The following SLC26A11 variants were observed in gnomAD, a reference collection of about 807,000 sequenced individuals.
SLC26A11 encodes solute carrier family 26 member 11, also known as sodium-independent sulfate anion transporter.
SLC26A11 carries 58 observed loss-of-function variants against 62.2 expected under a neutral mutation model. That is an observed-to-expected ratio of 0.93 (90% CI 0.76 to 1.16). The LOEUF is 1.16. SLC26A11 is among the 50% of genes most tolerant of loss of function. The pLI, the probability that SLC26A11 is intolerant of heterozygous loss-of-function variation, is 0.00. For missense variants in SLC26A11, 790 were observed against 794.3 expected (o/e 0.99, Z 0.06); for synonymous variants, 411 against 368.9 (o/e 1.11, Z -1.31).
rs971349719 is a variant in SLC26A11, at chr17:80,221,093, C to G, written c.-36C>G. ...GCCCCGCTGGATCTCCTGGCTGCCA[C>G]CCGCACCCCCCGCCAGCCTACGGTG... On this transcript the variant is annotated 5_prime_UTR_variant, in exon 2 of 18. Coordinates refer to ENST00000361193, the MANE Select transcript of SLC26A11 (RefSeq NM_001166347.2). 6.5e-6 allele frequency: 1 copy of G among 154,366 alleles called. No individual in the cohort carries two copies. The highest frequency in any genetic ancestry group is 2.4e-5 in the African/African-American group (1 of 41,502). The allele number at this position is 154,366 out of a possible 1,614,324, so 9.6% of individuals were successfully genotyped here.
In SLC26A11 at chr17:80,252,487, A is replaced by T. The variant is rs74000684; in HGVS notation, c.1730-138A>T. 939 of 646,178 alleles carry T rather than the reference A, an allele frequency of 1.5e-3. 12 individuals are homozygous for T. In the African/African-American group the frequency reaches 0.016, roughly 11 times the overall value. 40.0% of individuals were successfully genotyped at this position (646,178 alleles called of 1,614,324 possible). ...GTGAGACCCTCATGGAGTTAGTGAC[A>T]CTGGCCTGGGTGGCCCACAGCTCCT... On this transcript the variant is annotated intron_variant, in intron 17 of 17. Transcript: ENST00000361193. The surrounding 1 kb of genome is among the most constrained non-coding windows in gnomAD (Gnocchi z 5.2).
chr17:80,248,853 G>C (rs1351510874), intron 15 of SLC26A11, among the ~76,000 whole-genome samples, 179 bp downstream of exon 15: 1 of 152,210 alleles, frequency 6.6e-6, no homozygotes, highest in Admixed American at 6.5e-5. Context: ...CTGCAGCAAG[G>C]GTGGTGGCCC....
chr17:80,225,234 C>T (rs1000482949), intron 5 of SLC26A11, among the ~76,000 whole-genome samples: 2 of 152,194 alleles, frequency 1.3e-5, no homozygotes, highest in Non-Finnish European at 2.9e-5. Flanking sequence ...GATAGAGTGC[C>T]TTCTCCTGCC....
At chr17:80,250,191 C>T (rs1433123293) in intron 16 of SLC26A11, among the ~76,000 whole-genome samples, 8 of 152,130 alleles carry the variant, frequency 5.3e-5, no homozygotes, top group Non-Finnish European at 7.3e-5. Flanking sequence ...GATGGCAGAA[C>T]GTGGGGGACT....
At position 80,223,212 on chromosome 17, in the gene SLC26A11, G is replaced by T; in HGVS notation, c.428-40G>T. On this transcript the variant is annotated intron_variant, in intron 4 of 17. Coordinates refer to ENST00000361193, the MANE Select transcript of SLC26A11 (RefSeq NM_001166347.2). This position sits in a 1 kb window ranked among gnomAD's most constrained non-coding sequence, Gnocchi z 4.6. ...CTCCCCTCATCCTCTGGGACTGGGT[G>T]GAGCCGGGACCAGCTCGATGTCCCC... The T allele has an allele frequency of 6.3e-7, 1 of 1,575,572 alleles. No homozygotes were observed. The highest frequency in any genetic ancestry group is 2.2e-5 in the East Asian group (1 of 44,608).
Position 80,225,923 on chromosome 17 carries a change from C to CG in SLC26A11, c.593+10dup. On this transcript the variant is annotated splice_region_variant and intron_variant, in intron 6 of 17. Coordinates refer to ENST00000361193, the MANE Select transcript of SLC26A11 (RefSeq NM_001166347.2). ...TCAGGATTGCAGAGACCAGGTACCC[C>CG]GGGCTTTGTTCCTCCCTCCTATAAG... The CG allele has an allele frequency of 1.2e-6, 2 of 1,613,450 alleles. No homozygotes were observed. The highest frequency in any genetic ancestry group is 1.7e-6 in the Non-Finnish European group (2 of 1,179,550).
At chr17:80,243,818 A>G (rs1486249794) in intron 10 of SLC26A11, among the ~76,000 whole-genome samples, 1 of 152,190 alleles carries the variant, frequency 6.6e-6, no homozygotes, top group Non-Finnish European at 1.5e-5. Flanking sequence ...CCTTGATCTC[A>G]GATAGGCCAG....
At chr17:80,230,050 C>G (rs1400182938) in intron 7 of SLC26A11, among the ~76,000 whole-genome samples, 2 of 152,024 alleles carry the variant, frequency 1.3e-5, no homozygotes, top group East Asian at 1.9e-4. Context: ...CAAAAATTAG[C>G]TGGGTGTGGT....
chr17:80,230,963 C>T (rs1189382957), intron 7 of SLC26A11, among the ~76,000 whole-genome samples: 6 of 152,010 alleles, frequency 3.9e-5, no homozygotes, highest in East Asian at 1.9e-4. Flanking sequence ...GGACTTCACC[C>T]GAGTCGTCTG....
At position 80,252,884 on chromosome 17, in the gene SLC26A11, G is replaced by T; in HGVS notation, c.*168G>T. ...CCAGGCCTGGAGGTCCACGGCAGTG[G>T]GAGTGGGGCTCACTGGCTTCCTGTG... On this transcript the variant is annotated 3_prime_UTR_variant, in exon 18 of 18. Coordinates refer to ENST00000361193, the MANE Select transcript of SLC26A11 (RefSeq NM_001166347.2). This position sits in a 1 kb window ranked among gnomAD's most constrained non-coding sequence, Gnocchi z 5.2. The T allele has an allele frequency of 1.7e-6, 1 of 586,804 alleles. No homozygotes were observed. The highest frequency in any genetic ancestry group is 2.0e-5 in the South Asian group (1 of 49,394). 36.3% of individuals were successfully genotyped at this position (586,804 alleles called of 1,614,324 possible).
Position 80,248,481 on chromosome 17 carries a change from A to T in SLC26A11, c.1423-94A>T. On this transcript the variant is annotated intron_variant, in intron 14 of 17. Coordinates refer to ENST00000361193, the MANE Select transcript of SLC26A11 (RefSeq NM_001166347.2). ...CCCCTCTCCCGGTCCCCTGCAGCAC[A>T]CTAGGTTGGGTGGGGGCTTCCCGCT... 2 of 1,368,930 alleles carry T rather than the reference A, an allele frequency of 1.5e-6. No homozygotes were observed. Among genetic ancestry groups the T allele is most frequent in the Non-Finnish European group, 2.0e-6 (2 of 1,008,310 alleles). 84.8% of individuals were successfully genotyped at this position (1,368,930 alleles called of 1,614,324 possible).
At chr17:80,221,395 A>G in intron 2 of SLC26A11, 153 bp from the exon 3 acceptor site, 1 of 589,868 alleles carries the variant, frequency 1.7e-6, no homozygotes, top group Non-Finnish European at 3.0e-6. Context: ...CCCATCTTGC[A>G]CACATTGTTG....
intron 8 of SLC26A11, chr17:80,237,313 C>A (rs1229316013): frequency 1.3e-6 from 1 of 763,502 alleles, no homozygotes. Flanking sequence ...TTCAGGGGCG[C>A]TTCTCCTGTT....
intron 1 of SLC26A11, among the ~76,000 whole-genome samples, 165 bp downstream of exon 1, chr17:80,220,661 C>A (rs1353857700): frequency 1.3e-5 from 2 of 152,112 alleles, no homozygotes; most frequent in Non-Finnish European, 1.5e-5. Context: ...CCCGGGTCCC[C>A]GCGGCCCTCG....
intron 10 of SLC26A11, among the ~76,000 whole-genome samples, chr17:80,243,980 T>C (rs960955525): frequency 2.0e-5 from 3 of 152,194 alleles, no homozygotes; most frequent in Non-Finnish European, 4.4e-5. Context: ...CAGCCTGTGG[T>C]CACCTTGGGC....
intron 9 of SLC26A11, among the ~76,000 whole-genome samples, chr17:80,240,514 T>G (rs572738576): frequency 2.6e-5 from 4 of 151,372 alleles, no homozygotes; most frequent in African/African-American, 9.7e-5. Context: ...TTTAAAATGT[T>G]TTTCTCGGCC....
At chr17:80,237,709 C>A in intron 9 of SLC26A11, 115 bp downstream of exon 9, 2 of 910,754 alleles carry the variant, frequency 2.2e-6, no homozygotes, top group Non-Finnish European at 3.4e-6. Flanking sequence ...AATTCATATC[C>A]AAGTAATACA....
intron 9 of SLC26A11, among the ~76,000 whole-genome samples, chr17:80,240,284 G>A (rs939779754): frequency 1.4e-4 from 21 of 151,678 alleles, no homozygotes; most frequent in Admixed American, 1.1e-3. Context: ...GGAGAATGGC[G>A]TGAACCCGGG....
chr17:80,250,119 G>A (rs1004263490), intron 16 of SLC26A11, among the ~76,000 whole-genome samples: 3 of 152,146 alleles, frequency 2.0e-5, no homozygotes, highest in African/African-American at 7.2e-5. Context: ...TGTGGCCAGT[G>A]TTTGCAGAGA....
Sources: allele counts gnomAD v4.1 joint callset (sites outside exome capture counted in the v4.1 genomes callset), GRCh38; gene constraint gnomAD v4.1.1; non-coding constraint Gnocchi (gnomAD v3.1); transcripts MANE v1.5; gene names NCBI Gene and HGNC (gene_info 2026-07-23, HGNC 2026-07-21).